Variants in UNC13B observed in about 807,000 individuals in gnomAD.
UNC13B encodes the protein unc-13 homolog B.
UNC13B carries 144 observed loss-of-function variants against 211.0 expected under a neutral mutation model. The observed-to-expected ratio is 0.68, with a 90% CI of 0.60 to 0.78. UNC13B has a LOEUF of 0.78. Among genes scored for constraint, UNC13B ranks in the 30% least tolerant of loss-of-function variants. UNC13B has a pLI of 0.00. For synonymous variants in UNC13B, 709 were observed against 725.8 expected, an observed-to-expected ratio of 0.98 and a Z score of 0.37; for missense variants, 1,777 against 2,002.0, an observed-to-expected ratio of 0.89 and a Z score of 2.14.
At chr9:35,167,330 T>C (rs1405339675) in intron 1 of UNC13B, among the ~76,000 whole-genome samples, 2 of 152,126 alleles carry the variant, frequency 1.3e-5, no homozygotes, top group Admixed American at 6.6e-5. Context: ...GCCTTGGCCT[T>C]GCAAAGTGCT....
At chr9:35,288,313 C>T (rs1828905555) in intron 7 of UNC13B, among the ~76,000 whole-genome samples, 1 of 152,158 alleles carries the variant, frequency 6.6e-6, no homozygotes, top group African/African-American at 2.4e-5. Flanking sequence ...CTGTGTTGCC[C>T]TCCAGGTAAT....
rs368425053 is a variant in UNC13B at position 35,222,138 on chromosome 9, A to G, written c.23-5877A>G. On this transcript the variant is annotated intron_variant, in intron 1 of 39. Coordinates refer to ENST00000635942, the MANE Select transcript of UNC13B (RefSeq NM_001371189.2). Reference sequence around the variant, plus strand: ...CCCAAAATGTTTTTTGGCTCTTCTGATCCTTTGCGTTTTCATATAAATTTT... The same window carrying G: ...CCCAAAATGTTTTTTGGCTCTTCTGGTCCTTTGCGTTTTCATATAAATTTT... Among the ~76,000 whole-genome samples the G allele has an allele frequency of 7.6e-4, 116 of 152,062 alleles. 2 individuals carry two copies. In the South Asian group the frequency reaches 0.019, roughly 25 times the overall value.
At position 35,400,429 on chromosome 9, in the gene UNC13B, C is replaced by G. The variant is rs1182153107; in HGVS notation, c.12470C>G (p.Ser4157Trp). 1.9e-6 allele frequency: 3 copies of G among 1,613,158 alleles called. No individual in the cohort carries two copies. Among genetic ancestry groups the G allele is most frequent in the Non-Finnish European group, 2.5e-6 (3 of 1,179,624 alleles). ...ACTCTCATCAAGACCTTTGTGCGCT[C>G]GCAGACCACCCAAGGTAAGGCCCTG... The part of the protein sequence containing the change: ...TDTLIKTFVR[S>W]QTTQGSGVDD... Residue 4157 changes from serine (S) to tryptophan (W), a missense_variant, in exon 37 of 40, where the codon TCG becomes TGG. Coordinates refer to ENST00000635942, the MANE Select transcript of UNC13B (RefSeq NM_001371189.2).
intron 11 of UNC13B, chr9:35,353,041 A>G: frequency 2.4e-6 from 3 of 1,232,200 alleles, no homozygotes; most frequent in Non-Finnish European, 3.0e-6. Context: ...GCTCAAAGGA[A>G]CTAGAGGACC....
intron 2 of UNC13B, among the ~76,000 whole-genome samples, chr9:35,230,897 TA>T (rs1825162298): frequency 6.6e-6 from 1 of 152,166 alleles, no homozygotes; most frequent in African/African-American, 2.4e-5. Flanking sequence ...TTCTTAAAAT[TA>T]AAAAAATAGT....
chr9:35,403,077 C>A, intron 37 of UNC13B, 90 bp from the exon 38 acceptor site: 1 of 1,131,530 alleles, frequency 8.8e-7, no homozygotes, highest in Non-Finnish European at 1.3e-6. Flanking sequence ...TTGCTTCTTG[C>A]TTTTGGGTAT....
intron 11 of UNC13B, among the ~76,000 whole-genome samples, chr9:35,330,611 G>A (rs10814227): frequency 0.36 from 54,162 of 152,114 alleles, 10,103 homozygotes; most frequent in African/African-American, 0.46. Flanking sequence ...TGTGCAATGT[G>A]GGAACATTTT....
At chr9:35,389,591 C>T (rs553100821) in intron 24 of UNC13B, among the ~76,000 whole-genome samples, 2 of 152,296 alleles carry the variant, frequency 1.3e-5, no homozygotes, top group Non-Finnish European at 2.9e-5. Flanking sequence ...GATGGGCATC[C>T]TTATGTCTCT....
intron 3 of UNC13B, among the ~76,000 whole-genome samples, chr9:35,235,756 T>C (rs1395945310): frequency 6.6e-6 from 1 of 152,208 alleles, no homozygotes; most frequent in Admixed American, 6.5e-5. Flanking sequence ...AAAGTAGACT[T>C]ACCTTTCCTA....
intron 23 of UNC13B, 146 bp from the exon 24 acceptor site, chr9:35,386,019 A>C (rs559408401): frequency 1.7e-4 from 247 of 1,447,432 alleles, no homozygotes; most frequent in Non-Finnish European, 2.2e-4. Context: ...TTCCCTGTCA[A>C]CTATCCTGGC....
intron 11 of UNC13B, chr9:35,352,273 T>C (rs571465619): frequency 1.6e-6 from 2 of 1,232,168 alleles, no homozygotes; most frequent in Admixed American, 8.4e-5. Flanking sequence ...TTTGTGTTAA[T>C]GGCATGCAGT....
At chr9:35,231,362 G>A (rs1390739064) in intron 3 of UNC13B, 143 bp downstream of exon 3, 1 of 562,630 alleles carries the variant, frequency 1.8e-6, no homozygotes, top group Non-Finnish European at 3.1e-6. Flanking sequence ...TTTGAAAACT[G>A]TGGAGTTATA....
intron 1 of UNC13B, among the ~76,000 whole-genome samples, chr9:35,193,024 G>A (rs943562965): frequency 6.6e-6 from 1 of 152,134 alleles, no homozygotes; most frequent in African/African-American, 2.4e-5. Context: ...CCCAGCCATG[G>A]AACCAGAGGA....
chr9:35,404,983 C>G lies in UNC13B; in HGVS notation c.*950C>G, dbSNP rs1004260627. ...AATCTAGCCTTTGGTCTCTCTCTCT[C>G]TCATCGGGGTCATTTGCTATTCCCC... On this transcript the variant is annotated 3_prime_UTR_variant, in exon 40 of 40. Transcript: ENST00000635942. 1 of 152,720 alleles carries G rather than the reference C, an allele frequency of 6.5e-6. No homozygotes were observed. Among genetic ancestry groups the G allele is most frequent in the Non-Finnish European group, 1.5e-5 (1 of 68,110 alleles). 9.5% of individuals were successfully genotyped at this position (152,720 alleles called of 1,614,324 possible). A position where few individuals can be genotyped will look rare whatever the true frequency, so the allele number is the denominator to read the frequency against.
intron 11 of UNC13B, among the ~76,000 whole-genome samples, chr9:35,366,452 G>T (rs969636219): frequency 6.6e-6 from 1 of 152,124 alleles, no homozygotes; most frequent in Non-Finnish European, 1.5e-5. Context: ...TGAGTCAGAG[G>T]TTCAAGGCAC....
chr9:35,374,952 T>C (rs1834300037), intron 13 of UNC13B, among the ~76,000 whole-genome samples, 175 bp from the exon 14 acceptor site: 1 of 152,240 alleles, frequency 6.6e-6, no homozygotes, highest in Non-Finnish European at 1.5e-5. Flanking sequence ...CCTTGGGTTT[T>C]GCATCTTAAC....
At chr9:35,351,390 C>T (rs977898139) in intron 11 of UNC13B, 2 of 1,229,130 alleles carry the variant, frequency 1.6e-6, no homozygotes, top group African/African-American at 3.1e-5. Context: ...AAGCCCAAAG[C>T]ATCAGCCAGC....
At position 35,397,289 on chromosome 9, in the gene UNC13B, C is replaced by A. The variant is rs1381298079; in HGVS notation, c.11655C>A (p.His3885Gln). 1.2e-6 allele frequency: 2 copies of A among 1,614,012 alleles called. No individual in the cohort carries two copies. The highest frequency in any genetic ancestry group is 1.7e-6 in the Non-Finnish European group (2 of 1,180,032). The change falls in exon 29 of 40, where the codon CAC becomes CAA. Residue 3885 changes from histidine to glutamine, a missense_variant. Coordinates refer to ENST00000635942, the MANE Select transcript of UNC13B (RefSeq NM_001371189.2). ...GCCCAGACCCCAGCATCCTTGCCCA[C>A]TACATGAGGAGGTTTGCTAAGGTGA... ...LECPDPSILA[H>Q]YMRRFAKTIG...
intron 1 of UNC13B, among the ~76,000 whole-genome samples, chr9:35,204,006 G>C (rs904339725): frequency 7.2e-5 from 11 of 152,342 alleles, no homozygotes; most frequent in African/African-American, 2.6e-4. Flanking sequence ...GATTTTCTTG[G>C]CTAGGCCCAG....
Sources: allele counts gnomAD v4.1 joint callset (sites outside exome capture counted in the v4.1 genomes callset), GRCh38; gene constraint gnomAD v4.1.1; transcripts MANE v1.5; gene names NCBI Gene and HGNC (gene_info 2026-07-23, HGNC 2026-07-21).